KCNMA1: variants seen among roughly 807,000 people sequenced by gnomAD.
KCNMA1 encodes the protein Calcium-activated potassium channel subunit alpha-1.
KCNMA1 carries 29 observed loss-of-function variants against 140.0 expected under a neutral mutation model. The observed-to-expected ratio is 0.21, with a 90% confidence interval of 0.15 to 0.28. The LOEUF is 0.28. KCNMA1 is among the 10% of genes least tolerant of loss of function. The pLI, the probability that KCNMA1 is intolerant of heterozygous loss-of-function variation, is 1.00. For synonymous variants in KCNMA1, 612 were observed against 611.9 expected, an observed-to-expected ratio of 1.00 and a Z score of 0.00; for missense variants, 880 against 1,602.2, an observed-to-expected ratio of 0.55 and a Z score of 7.70.
intron 1 of KCNMA1, among the ~76,000 whole-genome samples, chr10:77,627,375 A>G (rs2092663976): frequency 6.6e-6 from 1 of 152,168 alleles, no homozygotes; most frequent in African/African-American, 2.4e-5. Context: ...TAAGGAGGTG[A>G]ATTTATGGCC....
At chr10:77,183,395 G>T in intron 5 of KCNMA1, 26 bp downstream of exon 5, 1 of 1,479,416 alleles carries the variant, frequency 6.8e-7, no homozygotes, top group Non-Finnish European at 9.5e-7. Flanking sequence ...GAACCAGGAA[G>T]GAGAAGGAAA....
At chr10:77,482,520 T>A (rs1010508494) in intron 1 of KCNMA1, among the ~76,000 whole-genome samples, 1 of 152,146 alleles carries the variant, frequency 6.6e-6, no homozygotes, top group Non-Finnish European at 1.5e-5. Flanking sequence ...GACAAATGCA[T>A]GAGACGGCAT....
intron 2 of KCNMA1, among the ~76,000 whole-genome samples, chr10:77,297,998 C>G (rs1381938655): frequency 6.6e-6 from 1 of 152,180 alleles, no homozygotes; most frequent in Non-Finnish European, 1.5e-5. Flanking sequence ...CAGGCATTTA[C>G]TTTGCCTTTT....
intron 23 of KCNMA1, among the ~76,000 whole-genome samples, chr10:76,932,205 A>G (rs987549171): frequency 2.6e-5 from 4 of 152,308 alleles, no homozygotes; most frequent in Non-Finnish European, 5.9e-5. Flanking sequence ...AGATGACAGA[A>G]AAGTGTATTG....
At chr10:76,978,005 C>T (rs2078203533) in intron 19 of KCNMA1, among the ~76,000 whole-genome samples, 1 of 152,300 alleles carries the variant, frequency 6.6e-6, no homozygotes, top group East Asian at 1.9e-4. Context: ...TCAACCTTTC[C>T]CCAGCTAGCT....
chr10:77,118,926 C>T (rs747811659), intron 6 of KCNMA1, among the ~76,000 whole-genome samples: 4 of 152,210 alleles, frequency 2.6e-5, no homozygotes, highest in Middle Eastern at 3.2e-3. Flanking sequence ...GTGAAAGGAA[C>T]TCTGAAAACC....
At chr10:77,084,572 CA>C in intron 12 of KCNMA1, 64 bp downstream of exon 12, 3 of 1,280,508 alleles carry the variant, frequency 2.3e-6, no homozygotes, top group Non-Finnish European at 2.3e-6. Context: ...GCAGAAGATC[CA>C]AAAGGGCCGT....
chr10:77,084,489 C>T (rs2096649917), intron 12 of KCNMA1, 148 bp downstream of exon 12: 2 of 712,868 alleles, frequency 2.8e-6, no homozygotes, highest in South Asian at 3.1e-5. Flanking sequence ...AGCCTCGGCT[C>T]CCCCAGGCCT....
chr10:77,633,206 T>C (rs2093398499), intron 1 of KCNMA1, among the ~76,000 whole-genome samples: 1 of 152,078 alleles, frequency 6.6e-6, no homozygotes, highest in Admixed American at 6.5e-5. Context: ...TCCCAGCTAC[T>C]TGGGAGGCTG....
chr10:77,212,792 C>T (rs535221494), intron 3 of KCNMA1, among the ~76,000 whole-genome samples: 44 of 152,166 alleles, frequency 2.9e-4, no homozygotes, highest in African/African-American at 9.9e-4. Flanking sequence ...GAGGAATCAG[C>T]GCTCTTGACT....
chr10:77,081,997 TTTTTC>T (rs1186524978), intron 12 of KCNMA1, among the ~76,000 whole-genome samples: 12,619 of 70,578 alleles, frequency 0.18, 758 homozygotes, highest in Middle Eastern at 0.26. Flanking sequence ...GTAATTTCTT[TTTTTC>T]TTTTCTTTTT....
chr10:77,413,437 A>G (rs767113100), intron 1 of KCNMA1, among the ~76,000 whole-genome samples: 2 of 152,084 alleles, frequency 1.3e-5, no homozygotes, highest in Non-Finnish European at 2.9e-5. Flanking sequence ...AGCCACGGGC[A>G]TTCTCCCAGG....
intron 5 of KCNMA1, 114 bp downstream of exon 5, chr10:77,183,307 C>T: frequency 3.9e-6 from 3 of 762,436 alleles, no homozygotes; most frequent in Non-Finnish European, 4.7e-6. Context: ...CCGTTGTTCA[C>T]ATTAATACAT....
At chr10:77,260,711 AAAAC>A (rs1056934556) in intron 2 of KCNMA1, among the ~76,000 whole-genome samples, 19 of 152,218 alleles carry the variant, frequency 1.2e-4, no homozygotes, top group African/African-American at 3.9e-4. Flanking sequence ...TCCATCTCAA[AAAAC>A]AAACAAACAA....
intron 2 of KCNMA1, among the ~76,000 whole-genome samples, chr10:77,399,743 C>T (rs1402507640): frequency 2.6e-5 from 4 of 152,236 alleles, no homozygotes; most frequent in African/African-American, 4.8e-5. Context: ...ATCCTTATAT[C>T]TAGTTTATCA....
intron 9 of KCNMA1, chr10:77,090,922 A>C: frequency 8.0e-6 from 2 of 250,166 alleles, no homozygotes; most frequent in Non-Finnish European, 1.6e-5. Context: ...GGTTTATGAC[A>C]TAGAGCTTAT....
chr10:77,044,633 A>G (rs918794188), intron 14 of KCNMA1, among the ~76,000 whole-genome samples: 1 of 152,230 alleles, frequency 6.6e-6, no homozygotes, highest in Non-Finnish European at 1.5e-5. Flanking sequence ...TGGGCAACAG[A>G]GAGAGATCCT....
intron 1 of KCNMA1, among the ~76,000 whole-genome samples, chr10:77,418,708 C>T (rs746961165): frequency 7.2e-5 from 11 of 152,306 alleles, no homozygotes; most frequent in South Asian, 2.1e-4. Flanking sequence ...CTTGCATCCA[C>T]GGGGGCCTCC....
intron 5 of KCNMA1, among the ~76,000 whole-genome samples, chr10:77,129,971 C>T (rs569644287): frequency 6.6e-6 from 1 of 152,226 alleles, no homozygotes; most frequent in Non-Finnish European, 1.5e-5. Flanking sequence ...ACAGACTCTG[C>T]ACCCATATAT....
Sources: allele counts gnomAD v4.1 joint callset (sites outside exome capture counted in the v4.1 genomes callset), GRCh38; gene constraint gnomAD v4.1.1; transcripts MANE v1.5; gene names NCBI Gene and HGNC (gene_info 2026-07-23, HGNC 2026-07-21).